The following SHCBP1 variants were observed in gnomAD, a reference collection of about 807,000 sequenced individuals.
The protein encoded by SHCBP1 is SHC SH2 domain-binding protein 1.
Under a neutral mutation model 75.1 loss-of-function variants are expected in SHCBP1, and 60 were observed. The ratio of observed to expected loss-of-function variants is 0.80; its 90% CI spans 0.65 to 0.99. The LOEUF is 0.99. SHCBP1 is among the 50% of genes least tolerant of loss of function. The probability of loss-of-function intolerance (pLI) is 0.00; values close to 1 mark genes in which losing one functional copy is unlikely to be tolerated. For synonymous variants in SHCBP1, 290 were observed against 293.2 expected (o/e 0.99, Z 0.11); for missense variants, 709 against 809.4 (o/e 0.88, Z 1.50).
rs1965490041 is a variant in SHCBP1, at chr16:46,615,947, T to A, written c.595A>T (p.Arg199Ter). The change falls in exon 4 of 13, where the codon AGA becomes TGA. Residue 199 changes from arginine to a stop codon, truncating the protein, a stop_gained and splice_region_variant. Coordinates refer to ENST00000303383, the MANE Select transcript of SHCBP1 (RefSeq NM_024745.5). LOFTEE classifies it high-confidence loss of function. ...ATTTTTCTCAACTTCTTTTCCTACC[T>A]GACATGCTCAATTGCAAGGGCTGTC... The part of the protein sequence containing the change: ...DQTALAIEHV[R>*]FFYQNIWRSW... 6.2e-7 allele frequency: 1 copy of A among 1,613,980 alleles called. No homozygotes were observed. The highest frequency in any genetic ancestry group is 1.3e-5 in the African/African-American group (1 of 74,916).
At chr16:46,608,152 A>G in intron 5 of SHCBP1, 145 bp downstream of exon 5, 1 of 596,552 alleles carries the variant, frequency 1.7e-6, no homozygotes, top group Non-Finnish European at 3.0e-6. Flanking sequence ...ATTTCTGTCT[A>G]TGAGATCCTG....
At chr16:46,594,307 A>T (rs1049100721) in intron 10 of SHCBP1, among the ~76,000 whole-genome samples, 1 of 152,204 alleles carries the variant, frequency 6.6e-6, no homozygotes, top group Non-Finnish European at 1.5e-5. Context: ...TGAAAAGACA[A>T]GCTACAGAGT....
At chr16:46,597,537 A>C (rs547223144) in intron 9 of SHCBP1, among the ~76,000 whole-genome samples, 1 of 152,380 alleles carries the variant, frequency 6.6e-6, no homozygotes, top group Non-Finnish European at 1.5e-5. Context: ...ATCTTAATTT[A>C]AGATACTTTG....
intron 9 of SHCBP1, among the ~76,000 whole-genome samples, chr16:46,597,667 G>A (rs1318871114): frequency 5.9e-5 from 9 of 152,188 alleles, no homozygotes; most frequent in Non-Finnish European, 7.3e-5. Flanking sequence ...TTTGCTGAAG[G>A]TTAAGGTGGC....
At chr16:46,604,625 G>A (rs1197064381) in intron 5 of SHCBP1, among the ~76,000 whole-genome samples, 164 bp from the exon 6 acceptor site, 1 of 151,870 alleles carries the variant, frequency 6.6e-6, no homozygotes, top group East Asian at 1.9e-4. Context: ...ATAATAATAA[G>A]TGGAAGCTGT....
chr16:46,591,167 TG>T (rs1315095767), intron 10 of SHCBP1, among the ~76,000 whole-genome samples: 3 of 151,918 alleles, frequency 2.0e-5, no homozygotes, highest in African/African-American at 4.8e-5. Context: ...GGGCCTGTTG[TG>T]GGGTGAGGGG....
intron 11 of SHCBP1, 113 bp downstream of exon 11, chr16:46,583,890 C>T: frequency 3.0e-6 from 3 of 984,556 alleles, no homozygotes; most frequent in Admixed American, 2.5e-5. Flanking sequence ...AAAATGTGTA[C>T]ACTGTTTATG....
At chr16:46,596,958 C>T (rs557287315) in intron 9 of SHCBP1, among the ~76,000 whole-genome samples, 3 of 152,162 alleles carry the variant, frequency 2.0e-5, no homozygotes, top group Middle Eastern at 6.8e-3. Flanking sequence ...AAACTCCTGA[C>T]CTCAGGTGAT....
intron 9 of SHCBP1, among the ~76,000 whole-genome samples, chr16:46,598,411 T>C (rs8050258): frequency 0.96 from 146,561 of 152,276 alleles, 70,755 homozygotes; most frequent in East Asian, 1. Context: ...ACCTCCATCA[T>C]AGCTCTCAGA....
At position 46,608,213 on chromosome 16, in the gene SHCBP1, G is replaced by A. The variant is rs147136126; in HGVS notation, c.689+84C>T. ...AGTGAGTGAGTGTGGGTGTGTGTGT[G>A]TGTGTGTATCTCACACAGGCAAAAT... On this transcript the variant is annotated intron_variant, in intron 5 of 12. Transcript: ENST00000303383. 126 of 779,620 alleles carry A rather than the reference G, an allele frequency of 1.6e-4. 2 individuals are homozygous for A. In the Middle Eastern group the frequency reaches 3.1e-3, roughly 19 times the overall value. The allele number at this position is 779,620 out of a possible 1,614,324, so 48.3% of individuals were successfully genotyped here.
rs546658392 is a variant in SHCBP1, at chr16:46,611,357, C to T, written c.597-2968G>A. Among the ~76,000 whole-genome samples, 43 of 152,336 alleles carry T rather than the reference C, an allele frequency of 2.8e-4. 1 individual carries two copies. The highest frequency in any genetic ancestry group is 1.0e-3 in the African/African-American group (42 of 41,570). ...AAATGCACAACAATGAATGCTGTGG[C>T]ATGAAATCGCTCAGTGAGCCCACTA... On this transcript the variant is annotated intron_variant, in intron 4 of 12. Transcript: ENST00000303383.
chr16:46,603,211 G>T (rs1315174505), intron 8 of SHCBP1, among the ~76,000 whole-genome samples: 1 of 152,078 alleles, frequency 6.6e-6, no homozygotes, highest in East Asian at 1.9e-4. Flanking sequence ...AATATTGCTA[G>T]GAATTTTTTT....
chr16:46,597,562 G>A (rs1965163012), intron 9 of SHCBP1, among the ~76,000 whole-genome samples: 1 of 152,174 alleles, frequency 6.6e-6, no homozygotes, highest in Non-Finnish European at 1.5e-5. Flanking sequence ...GCTAAAACAT[G>A]CTAACAATCC....
chr16:46,615,285 TTAG>T (rs1217829972), intron 4 of SHCBP1, among the ~76,000 whole-genome samples: 2 of 152,192 alleles, frequency 1.3e-5, no homozygotes, highest in African/African-American at 4.8e-5. Context: ...CAGTAAGTTA[TTAG>T]TAGTTAAGTT....
chr16:46,615,342 G>A (rs931245140), intron 4 of SHCBP1, among the ~76,000 whole-genome samples: 2 of 152,012 alleles, frequency 1.3e-5, no homozygotes, highest in African/African-American at 2.4e-5. Context: ...ACTATGTAGG[G>A]GTGGGGGGAG....
intron 10 of SHCBP1, among the ~76,000 whole-genome samples, chr16:46,589,994 A>G (rs1157343200): frequency 1.3e-5 from 2 of 152,202 alleles, no homozygotes; most frequent in Non-Finnish European, 2.9e-5. Flanking sequence ...GGAACAGAAC[A>G]GAGCCCTCAG....
intron 10 of SHCBP1, among the ~76,000 whole-genome samples, chr16:46,590,606 A>C (rs1473906624): frequency 6.6e-6 from 1 of 152,230 alleles, no homozygotes; most frequent in Non-Finnish European, 1.5e-5. Context: ...GCAAATCAAA[A>C]ACACAATGAG....
intron 1 of SHCBP1, among the ~76,000 whole-genome samples, chr16:46,619,276 T>C (rs1294250542): frequency 6.6e-6 from 1 of 152,250 alleles, no homozygotes; most frequent in African/African-American, 2.4e-5. Context: ...GGGTAGCATT[T>C]AGAATGTAGA....
At chr16:46,594,861 A>G (rs1432566111) in intron 10 of SHCBP1, among the ~76,000 whole-genome samples, 1 of 152,206 alleles carries the variant, frequency 6.6e-6, no homozygotes, top group Non-Finnish European at 1.5e-5. Flanking sequence ...TCCACAAGTG[A>G]CAAAACAAAC....
Sources: allele counts gnomAD v4.1 joint callset (sites outside exome capture counted in the v4.1 genomes callset), GRCh38; gene constraint gnomAD v4.1.1; transcripts MANE v1.5; gene names NCBI Gene and HGNC (gene_info 2026-07-23, HGNC 2026-07-21).